Variants in FSTL1 observed in about 807,000 individuals in gnomAD.
FSTL1 encodes follistatin-related protein 1.
FSTL1 carries 24 observed loss-of-function variants against 45.9 expected under a neutral mutation model. The ratio of observed to expected loss-of-function variants is 0.52; its 90% confidence interval spans 0.38 to 0.74. The LOEUF is 0.74. Ranked by LOEUF, FSTL1 falls within the 30% of genes least tolerant of loss-of-function variation. The pLI is 0.00. For missense variants in FSTL1, 340 were observed against 381.8 expected, an observed-to-expected ratio of 0.89 and a Z score of 0.91; for synonymous variants, 120 against 137.6, an observed-to-expected ratio of 0.87 and a Z score of 0.89.
chr3:120,439,667 G>A (rs1937608122), intron 2 of FSTL1, among the ~76,000 whole-genome samples: 1 of 152,204 alleles, frequency 6.6e-6, no homozygotes, highest in South Asian at 2.1e-4. Context: ...CAAGCCCTGT[G>A]CCACACACAG....
In FSTL1 at chr3:120,446,626, C is replaced by T. The variant is rs138794613; in HGVS notation, c.63+4058G>A. Among the ~76,000 whole-genome samples, 162 of 152,298 alleles carry T rather than the reference C, an allele frequency of 1.1e-3. 2 individuals carry two copies. Among genetic ancestry groups the T allele is most frequent in the Admixed American group, 6.2e-3 (95 of 15,294 alleles). On this transcript the variant is annotated intron_variant, in intron 2 of 10. Transcript: ENST00000295633. The stretch of plus-strand genomic sequence containing the variant: ...GATCTTTTTAGCTTTGTTAATAATA[C>T]AAGTTGTGGCACCAAGAAGATGCAG...
intron 2 of FSTL1, among the ~76,000 whole-genome samples, chr3:120,431,556 C>T (rs1305932739): frequency 6.6e-6 from 1 of 152,016 alleles, no homozygotes; most frequent in East Asian, 1.9e-4. Flanking sequence ...GATGCGGTGG[C>T]TCACGCCTGT....
At chr3:120,443,920 G>T (rs1937682141) in intron 2 of FSTL1, among the ~76,000 whole-genome samples, 1 of 150,026 alleles carries the variant, frequency 6.7e-6, no homozygotes, top group African/African-American at 2.5e-5. Context: ...CATTCTATTA[G>T]CAAGTTATTG....
At chr3:120,430,433 TG>T (rs1258181625) in intron 2 of FSTL1, among the ~76,000 whole-genome samples, 1 of 152,206 alleles carries the variant, frequency 6.6e-6, no homozygotes, top group Non-Finnish European at 1.5e-5. Context: ...TCAAGATTTC[TG>T]GGGTGGTCAG....
intron 7 of FSTL1, among the ~76,000 whole-genome samples, chr3:120,404,465 AT>A (rs2107651621): frequency 6.6e-6 from 1 of 152,386 alleles, no homozygotes; most frequent in East Asian, 1.9e-4. Flanking sequence ...AATAGCACTA[AT>A]TATCTAAAAA....
At chr3:120,418,317 A>C (rs1228232889) in intron 2 of FSTL1, among the ~76,000 whole-genome samples, 2 of 152,236 alleles carry the variant, frequency 1.3e-5, no homozygotes, top group Admixed American at 1.3e-4. Flanking sequence ...AACTTGCCCA[A>C]GTTTCCAAAG....
Position 120,450,982 on chromosome 3 carries a change from A to G in FSTL1, c.-86T>C. ...GGAGGTGGGAGCTCCGCCGATCGCC[A>G]GCCTCGGAGGAAATGCGACCTCCCC... is the stretch of plus-strand genomic sequence containing the variant. On this transcript the variant is annotated 5_prime_UTR_variant, in exon 1 of 11. Coordinates refer to ENST00000295633, the MANE Select transcript of FSTL1 (RefSeq NM_007085.5). The G allele has an allele frequency of 2.2e-6, 1 of 459,026 alleles. No homozygotes were observed. The highest frequency in any genetic ancestry group is 2.0e-5 in the African/African-American group (1 of 48,918). 28.4% of individuals were successfully genotyped at this position (459,026 alleles called of 1,614,324 possible).
intron 2 of FSTL1, among the ~76,000 whole-genome samples, chr3:120,444,283 T>C (rs1937689692): frequency 6.7e-6 from 1 of 149,932 alleles, no homozygotes; most frequent in South Asian, 2.1e-4. Flanking sequence ...CAAATTGGAC[T>C]GATTTACCAT....
chr3:120,433,220 A>G (rs956019467), intron 2 of FSTL1, among the ~76,000 whole-genome samples: 1 of 152,228 alleles, frequency 6.6e-6, no homozygotes, highest in Non-Finnish European at 1.5e-5. Context: ...AATATTTACT[A>G]TTCAGCTAGC....
chr3:120,408,805 G>C (rs1005615875), intron 6 of FSTL1, among the ~76,000 whole-genome samples: 1 of 133,014 alleles, frequency 7.5e-6, no homozygotes, highest in Admixed American at 7.8e-5. Context: ...GATATTCTGA[G>C]TGTGATGTAC....
At chr3:120,404,828 TC>T in intron 7 of FSTL1, 24 bp downstream of exon 7, 1 of 1,124,432 alleles carries the variant, frequency 8.9e-7, no homozygotes, top group Non-Finnish European at 1.4e-6. Context: ...TGTGGATCAT[TC>T]TCTGACCTCT....
chr3:120,428,758 A>AAC (rs1488839149), intron 2 of FSTL1, among the ~76,000 whole-genome samples: 1 of 151,780 alleles, frequency 6.6e-6, no homozygotes, highest in African/African-American at 2.4e-5. Flanking sequence ...CAGCAACAAC[A>AAC]ACAACAACAA....
In FSTL1 at chr3:120,395,268, T is replaced by A. The variant is rs527881171; in HGVS notation, c.*1684A>T. 1.4e-4 allele frequency: 25 copies of A among 181,304 alleles called. No homozygotes were observed. The East Asian group carries it at 4.5e-3, about 33-fold the overall frequency. 11.2% of individuals were successfully genotyped at this position (181,304 alleles called of 1,614,324 possible). A position where few individuals can be genotyped will look rare whatever the true frequency, so the allele number is the denominator to read the frequency against. Reference sequence around the variant, plus strand: ...TTTAATCTGCTTTCTGCAAATGAGATCTTATGTCAAGGATTTAATCTTTGG... The same window carrying A: ...TTTAATCTGCTTTCTGCAAATGAGAACTTATGTCAAGGATTTAATCTTTGG... On this transcript the variant is annotated 3_prime_UTR_variant, in exon 11 of 11. Transcript: ENST00000295633.
intron 2 of FSTL1, among the ~76,000 whole-genome samples, chr3:120,444,959 A>C (rs1321886489): frequency 6.7e-6 from 1 of 149,892 alleles, no homozygotes; most frequent in Non-Finnish European, 1.5e-5. Context: ...CCTACGGTTG[A>C]CTATGTAGTC....
rs1206708638 is a variant in FSTL1 at position 120,450,674 on chromosome 3, C to G, written c.63+10G>C. 4 of 1,560,416 alleles carry G rather than the reference C, an allele frequency of 2.6e-6. No individual in the cohort carries two copies. Among genetic ancestry groups the G allele is most frequent in the Non-Finnish European group, 3.4e-6 (4 of 1,160,700 alleles). ...GGGACCGAGTTCGGACTCCTCGGCC[C>G]CTCGCCTACCTCGGCGCGGACCCAG... On this transcript the variant is annotated intron_variant, in intron 2 of 10. Transcript: ENST00000295633.
chr3:120,426,658 CAT>C (rs373831811), intron 2 of FSTL1, among the ~76,000 whole-genome samples: 230 of 152,278 alleles, frequency 1.5e-3, no homozygotes, highest in African/African-American at 5.2e-3. Flanking sequence ...CCAATTTGCA[CAT>C]GATTCCCCCT....
intron 2 of FSTL1, among the ~76,000 whole-genome samples, chr3:120,449,055 G>A (rs1396390445): frequency 3.9e-5 from 6 of 152,172 alleles, no homozygotes; most frequent in Non-Finnish European, 7.3e-5. Context: ...CTTAACCAGG[G>A]CTACATCAGC....
intron 3 of FSTL1, among the ~76,000 whole-genome samples, chr3:120,412,626 A>G (rs921681893): frequency 2.6e-5 from 4 of 152,180 alleles, no homozygotes; most frequent in Non-Finnish European, 5.9e-5. Flanking sequence ...CACCCCCCAC[A>G]TCAAATGAGC....
At chr3:120,397,392 C>T (rs910265648) in intron 10 of FSTL1, among the ~76,000 whole-genome samples, 39 of 152,168 alleles carry the variant, frequency 2.6e-4, no homozygotes, top group African/African-American at 8.7e-4. Context: ...CATGGCTGTG[C>T]TACTTTTTGG....
Sources: allele counts gnomAD v4.1 joint callset (sites outside exome capture counted in the v4.1 genomes callset), GRCh38; gene constraint gnomAD v4.1.1; transcripts MANE v1.5; gene names NCBI Gene and HGNC (gene_info 2026-07-23, HGNC 2026-07-21).